Variants in EXOC4 observed in about 807,000 individuals in gnomAD.
EXOC4 encodes the protein SEC8-like 1.
In EXOC4, 71 loss-of-function variants were observed where a neutral mutation model predicts 107.2. The observed-to-expected ratio is 0.66, with a 90% CI of 0.55 to 0.81. EXOC4 has a LOEUF of 0.81. Among genes scored for constraint, EXOC4 ranks in the 30% least tolerant of loss-of-function variants. The pLI is 0.00. For synonymous variants in EXOC4, 456 were observed against 441.2 expected (o/e 1.03, Z -0.42); for missense variants, 1,108 against 1,189.6 (o/e 0.93, Z 1.01).
chr7:133,274,815 T>C (rs1219503738), intron 1 of EXOC4, among the ~76,000 whole-genome samples, 167 bp from the exon 2 acceptor site: 1 of 152,206 alleles, frequency 6.6e-6, no homozygotes, highest in Admixed American at 6.5e-5. Context: ...CTATTGAAAT[T>C]TACTGTGAAG....
At chr7:133,768,927 C>T (rs188704086) in intron 10 of EXOC4, among the ~76,000 whole-genome samples, 9 of 152,014 alleles carry the variant, frequency 5.9e-5, no homozygotes, top group African/African-American at 1.9e-4. Context: ...TCAGAGGCCA[C>T]GACACTTAAA....
intron 9 of EXOC4, among the ~76,000 whole-genome samples, chr7:133,563,780 G>T (rs979234189): frequency 1.3e-5 from 2 of 152,142 alleles, no homozygotes; most frequent in African/African-American, 4.8e-5. Flanking sequence ...TCAAATATAC[G>T]TGCTTATACT....
chr7:133,842,372 A>AT (rs1003945377), intron 11 of EXOC4, among the ~76,000 whole-genome samples: 7 of 151,968 alleles, frequency 4.6e-5, no homozygotes, highest in African/African-American at 1.7e-4. Flanking sequence ...TCTCACTGTG[A>AT]TTTTGATTTG....
intron 11 of EXOC4, among the ~76,000 whole-genome samples, chr7:133,894,686 C>A (rs556214647): frequency 0.013 from 1,092 of 83,094 alleles, 209 homozygotes; most frequent in Non-Finnish European, 0.017. Flanking sequence ...GAATACCCTG[C>A]CGTGTGAGGT....
chr7:133,274,413 AAG>A lies in EXOC4; in HGVS notation c.87-568_87-567del, dbSNP rs1172715811. Among the ~76,000 whole-genome samples the A allele has an allele frequency of 3.9e-5, 6 of 152,214 alleles. No individual in the cohort carries two copies. In the East Asian group the frequency reaches 1.2e-3, roughly 29 times the overall value. On this transcript the variant is annotated intron_variant, in intron 1 of 17. Transcript: ENST00000253861. The stretch of plus-strand genomic sequence containing the variant: ...GATATTTATTATCTCCCCTAACAAG[AAG>A]TCCTGAAGTAAGGCAGCTGCAGGGC...
At chr7:133,626,563 G>A (rs1259500569) in intron 9 of EXOC4, among the ~76,000 whole-genome samples, 5 of 152,158 alleles carry the variant, frequency 3.3e-5, no homozygotes, top group Admixed American at 6.5e-5. Context: ...TGTTGGGGTA[G>A]GGAGGAGAGT....
intron 9 of EXOC4, among the ~76,000 whole-genome samples, chr7:133,619,196 G>A (rs932328171): frequency 2.0e-5 from 3 of 152,082 alleles, no homozygotes; most frequent in South Asian, 2.1e-4. Flanking sequence ...AAGCTAAATG[G>A]CACCATGTTT....
At chr7:133,484,158 C>T (rs986312735) in intron 9 of EXOC4, 12 of 1,605,274 alleles carry the variant, frequency 7.5e-6, no homozygotes, top group Non-Finnish European at 1.0e-5. Context: ...AAATGTGACT[C>T]AGTCTAACAA....
intron 10 of EXOC4, among the ~76,000 whole-genome samples, chr7:133,710,448 C>T (rs911915048): frequency 6.6e-6 from 1 of 151,854 alleles, no homozygotes; most frequent in Non-Finnish European, 1.5e-5. Flanking sequence ...ATCACGAGGT[C>T]AGGAGATCGA....
intron 11 of EXOC4, 74 bp from the exon 12 acceptor site, chr7:133,895,525 C>T (rs1799286402): frequency 3.5e-6 from 5 of 1,438,170 alleles, no homozygotes; most frequent in South Asian, 2.5e-5. Context: ...TTATGACATA[C>T]TTGGAGTTGT....
intron 5 of EXOC4, among the ~76,000 whole-genome samples, chr7:133,355,144 C>T (rs1795994901): frequency 6.6e-6 from 1 of 152,190 alleles, no homozygotes. Context: ...TAGTAGATTT[C>T]AGTACCATTC....
chr7:133,925,297 A>G (rs1800026878), intron 13 of EXOC4, among the ~76,000 whole-genome samples: 1 of 152,216 alleles, frequency 6.6e-6, no homozygotes, highest in Admixed American at 6.5e-5. Flanking sequence ...TTGAATGGAG[A>G]GAGGAAAAAT....
At chr7:133,583,408 A>C (rs1801324443) in intron 9 of EXOC4, among the ~76,000 whole-genome samples, 1 of 152,204 alleles carries the variant, frequency 6.6e-6, no homozygotes, top group South Asian at 2.1e-4. Context: ...TACGTAAAGA[A>C]GTAATGGTGG....
At chr7:133,579,073 T>C (rs1801195030) in intron 9 of EXOC4, among the ~76,000 whole-genome samples, 1 of 152,186 alleles carries the variant, frequency 6.6e-6, no homozygotes, top group African/African-American at 2.4e-5. Flanking sequence ...AACTGAAATT[T>C]GCATAGTAGA....
At chr7:133,316,527 A>G (rs1794994968) in intron 4 of EXOC4, among the ~76,000 whole-genome samples, 1 of 152,150 alleles carries the variant, frequency 6.6e-6, no homozygotes, top group South Asian at 2.1e-4. Context: ...CTTTCACTTA[A>G]CAGGTATTTT....
chr7:133,934,014 A>G (rs1267108615), intron 13 of EXOC4, among the ~76,000 whole-genome samples: 1 of 152,198 alleles, frequency 6.6e-6, no homozygotes, highest in Admixed American at 6.5e-5. Context: ...TATTTTCTTA[A>G]TATCATACAG....
chr7:133,717,416 C>G (rs921878916), intron 10 of EXOC4, among the ~76,000 whole-genome samples: 3 of 152,176 alleles, frequency 2.0e-5, no homozygotes, highest in African/African-American at 7.2e-5. Context: ...TAGAATGTAG[C>G]TGTTTTGGCT....
At chr7:133,934,336 TTC>T (rs1250903900) in intron 13 of EXOC4, among the ~76,000 whole-genome samples, 2 of 152,200 alleles carry the variant, frequency 1.3e-5, no homozygotes, top group Non-Finnish European at 2.9e-5. Flanking sequence ...CAATCACTTA[TTC>T]TCTGTGTCAT....
intron 7 of EXOC4, among the ~76,000 whole-genome samples, chr7:133,436,048 G>GTTTTTTTTTTTTTTTT (rs5887624): frequency 7.0e-6 from 1 of 142,762 alleles, no homozygotes; most frequent in African/African-American, 2.6e-5. Context: ...TTATCTCAGT[G>GTTTTTTTTTTTTTTTT]TTTTTTTTTT....
Sources: allele counts gnomAD v4.1 joint callset (sites outside exome capture counted in the v4.1 genomes callset), GRCh38; gene constraint gnomAD v4.1.1; transcripts MANE v1.5; gene names NCBI Gene and HGNC (gene_info 2026-07-23, HGNC 2026-07-21).